The following SPTB variants were observed in gnomAD, a reference collection of about 807,000 sequenced individuals.
SPTB encodes spectrin beta, erythrocytic.
Under a neutral mutation model 256.2 loss-of-function variants are expected in SPTB, and 45 were observed. That is an observed-to-expected ratio of 0.18 (90% CI 0.14 to 0.23). The LOEUF (loss-of-function observed/expected upper bound fraction) is 0.23. Among genes scored for constraint, SPTB ranks in the 10% least tolerant of loss-of-function variants. SPTB has a pLI of 1.00. For synonymous variants in SPTB, 1,231 were observed against 1,243.1 expected, an observed-to-expected ratio of 0.99 and a Z score of 0.21; for missense variants, 2,715 against 3,040.4, an observed-to-expected ratio of 0.89 and a Z score of 2.52.
intron 19 of SPTB, 103 bp downstream of exon 19, chr14:64,784,139 TCTGTA>T (rs1210993891): frequency 1.3e-6 from 2 of 1,542,858 alleles, no homozygotes; most frequent in East Asian, 2.3e-5. Context: ...GCTGCCACGT[TCTGTA>T]CTGTCAGCAA....
At chr14:64,860,668 A>G (rs2083952876) in intron 1 of SPTB, among the ~76,000 whole-genome samples, 2 of 152,236 alleles carry the variant, frequency 1.3e-5, no homozygotes, top group South Asian at 4.1e-4. Flanking sequence ...GTCTGTCAAC[A>G]AACACATCCT....
In SPTB at chr14:64,772,853, C is replaced by T. The variant is rs771736463; in HGVS notation, c.5280G>A (p.Ala1760=). The T allele has an allele frequency of 5.0e-5, 80 of 1,612,878 alleles. No homozygotes were observed. The Middle Eastern group carries it at 9.9e-4, about 20-fold the overall frequency. Residue 1760 remains alanine, a synonymous_variant, in exon 26 of 36, where the codon GCG becomes GCA. Coordinates refer to ENST00000644917, the MANE Select transcript of SPTB (RefSeq NM_001355436.2). This position sits in a 1 kb window ranked among gnomAD's most constrained non-coding sequence, Gnocchi z 5.4. ...CGATGGTGGCCGCCTCGCTGTGGCC[C>T]GCGTCGATGAGTCGCTCGATGAAGG... The part of the protein sequence containing the change: ...VNAFIERLID[A]GHSEAATIAE...
intron 1 of SPTB, among the ~76,000 whole-genome samples, chr14:64,878,733 T>C (rs1882952491): frequency 6.6e-6 from 1 of 151,994 alleles, no homozygotes; most frequent in African/African-American, 2.4e-5. Flanking sequence ...GCCTAGTCTC[T>C]CCCCACAGAA....
rs1420425808 is a variant in SPTB, at chr14:64,764,496, G to A, written c.6345+2230C>T. 1.3e-5 allele frequency among the ~76,000 whole-genome samples: 2 copies of A among 152,198 alleles called. No individual in the cohort carries two copies. Among genetic ancestry groups the A allele is most frequent in the Non-Finnish European group, 2.9e-5 (2 of 68,030 alleles). ...CATCTGCTGGAGTGGCTGGCTCTCC[G>A]GAAAGGGTCTCAAATGTGGGCTCAC... On this transcript the variant is annotated intron_variant, in intron 32 of 35. Coordinates refer to ENST00000644917, the MANE Select transcript of SPTB (RefSeq NM_001355436.2). The surrounding 1 kb of genome is among the most constrained non-coding windows in gnomAD (Gnocchi z 4.2).
rs373885193 is a variant in SPTB at position 64,775,295 on chromosome 14, G to A, written c.4672C>T (p.Arg1558Cys). ...CAGGAGCTCTGCAGGTGCCCCAGGC[G>A]CTCCTCAAGGTCCTGGCAGTCGATC... ...AEIDCQDLEE[R>C]LGHLQSSWDR... The change falls in exon 23 of 36, where the codon CGC becomes TGC. Residue 1558 changes from arginine to cysteine, a missense_variant. Physicochemically the swap from Arg to Cys is radical, Grantham distance 180. This residue lies in a region of SPTB where 2,239 missense variants were observed against 2,384.4 expected (regional missense o/e 0.94). Transcript: ENST00000644917. The surrounding 1 kb of genome is among the most constrained non-coding windows in gnomAD (Gnocchi z 5.0). 2.8e-5 allele frequency: 45 copies of A among 1,613,088 alleles called. No individual in the cohort carries two copies. The highest frequency in any genetic ancestry group is 1.8e-4 in the Admixed American group (11 of 59,958).
At chr14:64,766,860 G>GCGAGGC in intron 31 of SPTB, 59 bp from the exon 32 acceptor site, 1 of 1,592,592 alleles carries the variant, frequency 6.3e-7, no homozygotes, top group Non-Finnish European at 8.5e-7. Flanking sequence ...AGTGCCTCCT[G>GCGAGGC]CGAGGCCTGG....
chr14:64,803,476 C>A, intron 4 of SPTB, 131 bp downstream of exon 4: 1 of 1,146,580 alleles, frequency 8.7e-7, no homozygotes, highest in East Asian at 2.4e-5. Context: ...AAGCACTGTC[C>A]CATGTGGCAG....
chr14:64,774,663 C>T, intron 23 of SPTB, 136 bp from the exon 24 acceptor site: 1 of 1,294,192 alleles, frequency 7.7e-7, no homozygotes, highest in Non-Finnish European at 1.1e-6. Context: ...GAGAGCCACA[C>T]ATGCTTCCTT....
At chr14:64,859,225 G>A (rs899370238) in intron 1 of SPTB, among the ~76,000 whole-genome samples, 11 of 152,170 alleles carry the variant, frequency 7.2e-5, no homozygotes, top group African/African-American at 2.7e-4. Context: ...CTACACTCTA[G>A]TCTGGGCGAC....
At chr14:64,804,261 T>C (rs1244037539) in intron 3 of SPTB, among the ~76,000 whole-genome samples, 1 of 152,218 alleles carries the variant, frequency 6.6e-6, no homozygotes, top group Admixed American at 6.5e-5. Flanking sequence ...TCTAGTGGAA[T>C]TTCAATGCAG....
Position 64,747,165 on chromosome 14 carries a change from A to G in SPTB, c.*2141T>C, listed in dbSNP as rs1245237701. The G allele has an allele frequency of 6.6e-6, 1 of 152,520 alleles. No homozygotes were observed. Among genetic ancestry groups the G allele is most frequent in the Non-Finnish European group, 1.5e-5 (1 of 68,088 alleles). The allele number at this position is 152,520 out of a possible 1,614,324, so 9.4% of individuals were successfully genotyped here. A position where few individuals can be genotyped will look rare whatever the true frequency, so the allele number is the denominator to read the frequency against. ...GGGTCTGTGGAGTTGCTTGCTGGAA[A>G]TGCCTCACTTCAGGTGCTGATTTGG... On this transcript the variant is annotated 3_prime_UTR_variant, in exon 36 of 36. Transcript: ENST00000644917.
At position 64,790,020 on chromosome 14, in the gene SPTB, A is replaced by G. The variant is rs1210338571; in HGVS notation, c.2804+1699T>C. Among the ~76,000 whole-genome samples the G allele has an allele frequency of 6.6e-6, 1 of 152,222 alleles. No individual in the cohort carries two copies. Among genetic ancestry groups the G allele is most frequent in the East Asian group, 1.9e-4 (1 of 5,192 alleles). On this transcript the variant is annotated intron_variant, in intron 15 of 35. Transcript: ENST00000644917. This position sits in a 1 kb window ranked among gnomAD's most constrained non-coding sequence, Gnocchi z 4.8. ...AACCAGGGTAAGTGTGATATCTCTC[A>G]AGGGCAGAGCCAGAATCAATATGTA...
In SPTB at chr14:64,779,318, C is replaced by T. The variant is rs898241279; in HGVS notation, c.4474-72G>A. The stretch of plus-strand genomic sequence containing the variant: ...ACCTTTCCTGAGTGCTCACCATGGG[C>T]GGCGCAGAGCTTTGCTGGCAGTGTC... On this transcript the variant is annotated intron_variant, in intron 21 of 35. Transcript: ENST00000644917. The surrounding 1 kb of genome is among the most constrained non-coding windows in gnomAD (Gnocchi z 4.2). The T allele has an allele frequency of 5.2e-5, 67 of 1,297,814 alleles. No individual in the cohort carries two copies. Among genetic ancestry groups the T allele is most frequent in the Non-Finnish European group, 6.3e-5 (57 of 909,116 alleles). The allele number at this position is 1,297,814 out of a possible 1,614,324, so 80.4% of individuals were successfully genotyped here.
In SPTB at chr14:64,793,594, T is replaced by C; in HGVS notation, c.2069A>G (p.Asp690Gly). ...CTGGAAGATCTGCTCCAGGTGAGCA[T>C]CCAGCCCACGGAGCTCATCCTCAAA... ...KAFEDELRGLDAHLEQIFQEA... is the reference protein window; with the variant it reads ...KAFEDELRGLGAHLEQIFQEA... Residue 690 changes from aspartate to glycine, a missense_variant, in exon 14 of 36, where the codon GAT becomes GGT. Asp to Gly is a moderately conservative substitution (Grantham distance 94). This residue lies in a region of SPTB where 2,239 missense variants were observed against 2,384.4 expected (regional missense o/e 0.94). Transcript: ENST00000644917. The surrounding 1 kb of genome is among the most constrained non-coding windows in gnomAD (Gnocchi z 7.0). The C allele has an allele frequency of 6.2e-7, 1 of 1,614,158 alleles. No individual in the cohort carries two copies. The highest frequency in any genetic ancestry group is 8.5e-7 in the Non-Finnish European group (1 of 1,180,038).
rs1019304163 is a variant in SPTB, at chr14:64,790,122, T to C, written c.2804+1597A>G. Among the ~76,000 whole-genome samples, 1 of 152,222 alleles carries C rather than the reference T, an allele frequency of 6.6e-6. No individual in the cohort carries two copies. Among genetic ancestry groups the C allele is most frequent in the African/African-American group, 2.4e-5 (1 of 41,460 alleles). On this transcript the variant is annotated intron_variant, in intron 15 of 35. Transcript: ENST00000644917. This position sits in a 1 kb window ranked among gnomAD's most constrained non-coding sequence, Gnocchi z 4.8. ...CAAAAAGAATTGCCCAAAAATGAGATAGGCTGCCGGGTGAGGGAGTGAGTT... is the reference window on the plus strand; with the variant it reads ...CAAAAAGAATTGCCCAAAAATGAGACAGGCTGCCGGGTGAGGGAGTGAGTT...
chr14:64,773,520 G>A (rs1810133106), intron 24 of SPTB, 96 bp from the exon 25 acceptor site: 2 of 1,291,220 alleles, frequency 1.5e-6, no homozygotes, highest in Admixed American at 3.4e-5. Context: ...CAGCCCCCTG[G>A]CAGGGATAGG....
chr14:64,774,381 CAG>C lies in SPTB; in HGVS notation c.4973+14_4973+15del. On this transcript the variant is annotated intron_variant, in intron 24 of 35. Coordinates refer to ENST00000644917, the MANE Select transcript of SPTB (RefSeq NM_001355436.2). ...TCCCCATCTCCTGACCGAGTCACCA[CAG>C]GGGGCGCACGCACCCCTCAGGGTGG... 6.3e-7 allele frequency: 1 copy of C among 1,583,660 alleles called. No homozygotes were observed. Among genetic ancestry groups the C allele is most frequent in the Non-Finnish European group, 8.6e-7 (1 of 1,165,784 alleles).
At chr14:64,879,310 G>A (rs763920455) in intron 1 of SPTB, among the ~76,000 whole-genome samples, 3 of 152,194 alleles carry the variant, frequency 2.0e-5, no homozygotes, top group Admixed American at 6.5e-5. Context: ...TGGGTGGCCC[G>A]AGGAGAGCGC....
chr14:64,796,713 G>C lies in SPTB; in HGVS notation c.1185C>G (p.Ala395=). The C allele has an allele frequency of 6.2e-7, 1 of 1,614,178 alleles. No homozygotes were observed. The highest frequency in any genetic ancestry group is 8.5e-7 in the Non-Finnish European group (1 of 1,180,046). The stretch of plus-strand genomic sequence containing the variant: ...ACTCAGCTTCCTCCAGGCTTTCCCA[G>C]GCCTGCACAAAGGATGGAATGAGAA... ...DGKLVSDINR[A]WESLEEAEYR... Residue 395 remains alanine, a splice_region_variant and synonymous_variant, in exon 11 of 36, where the codon GCC becomes GCG. Transcript: ENST00000644917. This position sits in a 1 kb window ranked among gnomAD's most constrained non-coding sequence, Gnocchi z 4.1.
Sources: allele counts gnomAD v4.1 joint callset (sites outside exome capture counted in the v4.1 genomes callset), GRCh38; gene constraint gnomAD v4.1.1; regional missense constraint gnomAD v4.1.1; non-coding constraint Gnocchi (gnomAD v3.1); transcripts MANE v1.5; gene names NCBI Gene and HGNC (gene_info 2026-07-23, HGNC 2026-07-21).